PARVB: variants seen among roughly 807,000 people sequenced by gnomAD.
PARVB encodes beta-parvin.
In PARVB, 46 loss-of-function variants were observed where a neutral mutation model predicts 47.0. That is an observed-to-expected ratio of 0.98 (90% CI 0.77 to 1.25). The LOEUF (loss-of-function observed/expected upper bound fraction) is 1.25, where lower values mean the gene tolerates loss of function less well. Ranked by LOEUF, PARVB falls within the 50% of genes most tolerant of loss-of-function variation. The pLI, the probability that PARVB is intolerant of heterozygous loss-of-function variation, is 0.00. For synonymous variants in PARVB, 196 were observed against 196.3 expected (o/e 1.00, Z 0.01); for missense variants, 473 against 471.6 (o/e 1.00, Z -0.03).
chr22:44,140,759 G>A, intron 8 of PARVB: 1 of 347,720 alleles, frequency 2.9e-6, no homozygotes, highest in South Asian at 2.1e-5. Context: ...TTGGCCGGGG[G>A]ACAGCCCTCT....
rs145973890 is a variant in PARVB at position 44,031,838 on chromosome 22, C to T, written c.112+7387C>T. On this transcript the variant is annotated intron_variant, in intron 1 of 12. Transcript: ENST00000338758. ...TAAGTGCTCCGTTGGATTGATTCCT[C>T]CCTGCTGTGGTTGGCACAGGGCAGG... 5.4e-4 allele frequency among the ~76,000 whole-genome samples: 82 copies of T among 152,188 alleles called. 2 individuals carry two copies. The Middle Eastern group carries it at 0.034, about 63-fold the overall frequency.
chr22:44,099,634 C>T (rs2052394479), intron 2 of PARVB, among the ~76,000 whole-genome samples: 2 of 152,120 alleles, frequency 1.3e-5, no homozygotes, highest in Non-Finnish European at 2.9e-5. Context: ...TTTTCCATTT[C>T]ATTATAACCA....
intron 2 of PARVB, among the ~76,000 whole-genome samples, chr22:44,017,899 G>A (rs1157353551): frequency 6.6e-6 from 1 of 152,156 alleles, no homozygotes; most frequent in Non-Finnish European, 1.5e-5. Context: ...GCCTTCCAAA[G>A]CAGGCTATTG....
At chr22:44,101,424 TAAAAA>T in intron 3 of PARVB, among the ~76,000 whole-genome samples, 1 of 136,912 alleles carries the variant, frequency 7.3e-6, no homozygotes, top group African/African-American at 3.1e-5. Flanking sequence ...AAATAAAAAA[TAAAAA>T]ATAAAATATA....
At chr22:44,123,604 G>T (rs1421528707) in intron 4 of PARVB, among the ~76,000 whole-genome samples, 5 of 152,100 alleles carry the variant, frequency 3.3e-5, no homozygotes, top group African/African-American at 1.2e-4. Context: ...TTATAGATAC[G>T]AGGCTTTGCC....
At chr22:44,080,894 C>T (rs13054328) in intron 1 of PARVB, among the ~76,000 whole-genome samples, 8,887 of 152,222 alleles carry the variant, frequency 0.058, 396 homozygotes, top group Admixed American at 0.16. Flanking sequence ...GCACTGTAGA[C>T]GCAAATCCTG....
At chr22:44,097,087 A>G (rs1415597996) in intron 2 of PARVB, among the ~76,000 whole-genome samples, 1 of 151,700 alleles carries the variant, frequency 6.6e-6, no homozygotes, top group East Asian at 1.9e-4. Context: ...AGCATGGCAC[A>G]GTTTAGCGAC....
intron 1 of PARVB, among the ~76,000 whole-genome samples, chr22:44,070,624 G>A (rs1250999188): frequency 6.6e-6 from 1 of 152,184 alleles, no homozygotes; most frequent in Non-Finnish European, 1.5e-5. Context: ...GGTGGAAGGA[G>A]GGGCATAATG....
At chr22:44,055,241 A>G (rs1431119533) in intron 1 of PARVB, among the ~76,000 whole-genome samples, 1 of 151,708 alleles carries the variant, frequency 6.6e-6, no homozygotes. Flanking sequence ...CTCCCTCCCC[A>G]CCAGAGGTGA....
chr22:44,134,932 C>T (rs1185793139), intron 6 of PARVB, among the ~76,000 whole-genome samples: 1 of 152,234 alleles, frequency 6.6e-6, no homozygotes, highest in Non-Finnish European at 1.5e-5. Flanking sequence ...GTGGGTGCCT[C>T]AGGCATGTTT....
chr22:44,158,570 A>G (rs1047262113), intron 11 of PARVB, among the ~76,000 whole-genome samples: 1 of 152,112 alleles, frequency 6.6e-6, no homozygotes, highest in African/African-American at 2.4e-5. Flanking sequence ...CATCTTTTTG[A>G]TACAGATTTT....
At chr22:44,153,898 C>T (rs9625987) in intron 10 of PARVB, among the ~76,000 whole-genome samples, 5,948 of 152,318 alleles carry the variant, frequency 0.039, 370 homozygotes, top group African/African-American at 0.13. Flanking sequence ...CTGTAAACAG[C>T]AGTGCAGAGA....
intron 2 of PARVB, among the ~76,000 whole-genome samples, chr22:44,005,142 C>T (rs4823184): frequency 0.25 from 37,291 of 152,002 alleles, 4,841 homozygotes; most frequent in Admixed American, 0.36. Context: ...CTCTGTCACC[C>T]AGGCTGGAGT....
At chr22:44,115,110 A>G (rs1297750604) in intron 3 of PARVB, 3 of 72,998 alleles carry the variant, frequency 4.1e-5, no homozygotes, top group East Asian at 1.1e-3. Flanking sequence ...GAACGGATAC[A>G]TTGTTACTAA....
At chr22:44,135,884 T>G (rs1392825245) in intron 6 of PARVB, among the ~76,000 whole-genome samples, 3 of 152,172 alleles carry the variant, frequency 2.0e-5, no homozygotes, top group Admixed American at 1.3e-4. Context: ...TCTGTCTGTT[T>G]CTGTGTCTGT....
Position 44,168,923 on chromosome 22 carries a change from TCG to T in PARVB, c.*246_*247del, listed in dbSNP as rs1260636058. The T allele has an allele frequency of 1.5e-5, 7 of 468,930 alleles. No homozygotes were observed. Among genetic ancestry groups the T allele is most frequent in the Admixed American group, 7.4e-5 (2 of 26,992 alleles). 29.0% of individuals were successfully genotyped at this position (468,930 alleles called of 1,614,324 possible). A position where few individuals can be genotyped will look rare whatever the true frequency, so the allele number is the denominator to read the frequency against. On this transcript the variant is annotated 3_prime_UTR_variant, in exon 13 of 13. Coordinates refer to ENST00000338758, the MANE Select transcript of PARVB (RefSeq NM_013327.5). Reference sequence around the variant, plus strand: ...TTTGAAAATGCAGGATTCTAAACACTCGTGCTTGCGTTTGAAGCCTCGCGTCA... The same window carrying T: ...TTTGAAAATGCAGGATTCTAAACACTTGCTTGCGTTTGAAGCCTCGCGTCA...
chr22:44,148,417 T>G (rs1385944495), intron 9 of PARVB: 1 of 191,840 alleles, frequency 5.2e-6, no homozygotes, highest in Non-Finnish European at 1.1e-5. Context: ...GCTCTGGAGT[T>G]GGGGGCTGGG....
chr22:44,054,232 T>TTTA (rs968895319), intron 1 of PARVB, among the ~76,000 whole-genome samples: 9 of 152,038 alleles, frequency 5.9e-5, no homozygotes, highest in African/African-American at 9.7e-5. Context: ...CCCAACATCT[T>TTTA]TTATTATTAT....
chr22:44,050,797 C>G (rs967598066), intron 1 of PARVB, among the ~76,000 whole-genome samples: 2 of 152,200 alleles, frequency 1.3e-5, no homozygotes, highest in East Asian at 1.9e-4. Context: ...CAACACCTCT[C>G]TCACCTGTCT....
Sources: allele counts gnomAD v4.1 joint callset (sites outside exome capture counted in the v4.1 genomes callset), GRCh38; gene constraint gnomAD v4.1.1; transcripts MANE v1.5; gene names NCBI Gene and HGNC (gene_info 2026-07-23, HGNC 2026-07-21).